The following LRRIQ3 variants were observed in gnomAD, a reference collection of about 807,000 sequenced individuals.
The protein encoded by LRRIQ3 is leucine-rich repeat and IQ domain-containing protein 3.
A neutral mutation model predicts 59.3 loss-of-function variants in LRRIQ3; 75 were observed. The observed-to-expected ratio is 1.26, with a 90% CI of 1.05 to 1.53. LRRIQ3 has a LOEUF of 1.53. Among genes scored for constraint, LRRIQ3 ranks in the 40% most tolerant of loss-of-function variants. The pLI is 0.00. For missense variants in LRRIQ3, 831 were observed against 710.0 expected, an observed-to-expected ratio of 1.17 and a Z score of -1.94; for synonymous variants, 250 against 231.3, an observed-to-expected ratio of 1.08 and a Z score of -0.73.
chr1:74,142,748 A>T (rs1647316571), intron 4 of LRRIQ3, among the ~76,000 whole-genome samples: 1 of 152,012 alleles, frequency 6.6e-6, no homozygotes, highest in Admixed American at 6.6e-5. Context: ...TACATCTTGA[A>T]TCATTAGGGC....
chr1:74,094,478 A>C (rs1231637834), intron 5 of LRRIQ3, among the ~76,000 whole-genome samples: 1 of 152,094 alleles, frequency 6.6e-6, no homozygotes, highest in Non-Finnish European at 1.5e-5. Context: ...GAATATAGGC[A>C]GCTTCCAGAA....
rs117562770 is a variant in LRRIQ3, at chr1:74,182,205, C to T, written c.573+333G>A. 1.9e-4 allele frequency: 30 copies of T among 155,434 alleles called. No individual in the cohort carries two copies. The East Asian group carries it at 5.3e-3, about 28-fold the overall frequency. The allele number at this position is 155,434 out of a possible 1,614,324, so 9.6% of individuals were successfully genotyped here. A position where few individuals can be genotyped will look rare whatever the true frequency, so the allele number is the denominator to read the frequency against. On this transcript the variant is annotated intron_variant, in intron 3 of 7. Coordinates refer to ENST00000354431, the MANE Select transcript of LRRIQ3 (RefSeq NM_001105659.2). ...ATCTTCTAATAATAATCTAAGTCAT[C>T]CTTTAACGCTCTTAAAAAACATTAA...
intron 3 of LRRIQ3, among the ~76,000 whole-genome samples, chr1:74,170,893 G>A (rs1649283372): frequency 6.6e-6 from 1 of 151,954 alleles, no homozygotes; most frequent in East Asian, 1.9e-4. Flanking sequence ...CACCTCCTTG[G>A]ATAGGTTTAT....
At chr1:74,062,249 G>T (rs1404573710) in intron 6 of LRRIQ3, among the ~76,000 whole-genome samples, 1 of 151,998 alleles carries the variant, frequency 6.6e-6, no homozygotes, top group African/African-American at 2.4e-5. Flanking sequence ...CAAAAGACAT[G>T]AAAAGACACT....
At chr1:74,190,882 G>A (rs1650721839) in intron 1 of LRRIQ3, among the ~76,000 whole-genome samples, 1 of 151,996 alleles carries the variant, frequency 6.6e-6, no homozygotes, top group Non-Finnish European at 1.5e-5. Flanking sequence ...GAAGTGTTAA[G>A]AGAAAAAAAA....
In LRRIQ3 at chr1:74,041,648, G is replaced by A; in HGVS notation, c.1283C>T (p.Thr428Ile). The A allele has an allele frequency of 6.2e-7, 1 of 1,613,550 alleles. No homozygotes were observed. The highest frequency in any genetic ancestry group is 8.5e-7 in the Non-Finnish European group (1 of 1,179,820). The stretch of plus-strand genomic sequence containing the variant: ...ATGGTATTCCTGCTTCTTTTGTTCT[G>A]TGTAATATTTGTCAATATCACTAAA... ...RTFSDIDKYY[T>I]EQKKQEYHKE... Residue 428 changes from threonine to isoleucine, a missense_variant, in exon 7 of 8, where the codon ACA becomes ATA. Physicochemically the swap from Thr to Ile is moderately conservative, Grantham distance 89. Coordinates refer to ENST00000354431, the MANE Select transcript of LRRIQ3 (RefSeq NM_001105659.2).
chr1:74,046,702 G>T (rs1486959802), intron 6 of LRRIQ3, among the ~76,000 whole-genome samples: 1 of 152,152 alleles, frequency 6.6e-6, no homozygotes, highest in Non-Finnish European at 1.5e-5. Flanking sequence ...CTGTCCATCT[G>T]ATGTAGGCCT....
At chr1:74,038,693 G>A (rs1201087265) in intron 7 of LRRIQ3, among the ~76,000 whole-genome samples, 2 of 152,168 alleles carry the variant, frequency 1.3e-5, no homozygotes, top group Admixed American at 6.5e-5. Flanking sequence ...TGCTTGAAGC[G>A]AACCTCTGGC....
chr1:74,072,507 T>TA (rs1557602568), intron 6 of LRRIQ3, among the ~76,000 whole-genome samples: 2 of 151,626 alleles, frequency 1.3e-5, no homozygotes, highest in Non-Finnish European at 2.9e-5. Context: ...ATATATATAT[T>TA]TTTTAATTGA....
At chr1:74,051,622 C>A (rs1181175803) in intron 6 of LRRIQ3, among the ~76,000 whole-genome samples, 1 of 152,056 alleles carries the variant, frequency 6.6e-6, no homozygotes, top group African/African-American at 2.4e-5. Flanking sequence ...AACAGAAACC[C>A]CATACGCATT....
intron 1 of LRRIQ3, among the ~76,000 whole-genome samples, chr1:74,193,593 A>G (rs1021037936): frequency 8.5e-5 from 13 of 152,172 alleles, no homozygotes; most frequent in African/African-American, 2.7e-4. Context: ...AATGTGATAC[A>G]TAATAAATAT....
At chr1:74,182,176 T>C (rs1375712152) in intron 3 of LRRIQ3, 2 of 152,594 alleles carry the variant, frequency 1.3e-5, no homozygotes, top group Admixed American at 6.6e-5. Flanking sequence ...GAATTAAATA[T>C]TTTATCTTCT....
intron 6 of LRRIQ3, among the ~76,000 whole-genome samples, chr1:74,054,629 C>T (rs548684737): frequency 3.3e-5 from 5 of 151,380 alleles, no homozygotes; most frequent in Middle Eastern, 3.4e-3. Flanking sequence ...AGAGGTTCTG[C>T]GTATATTGAA....
chr1:74,162,682 T>C lies in LRRIQ3; in HGVS notation c.574-6816A>G, dbSNP rs184814226. On this transcript the variant is annotated intron_variant, in intron 3 of 7. Coordinates refer to ENST00000354431, the MANE Select transcript of LRRIQ3 (RefSeq NM_001105659.2). Reference sequence around the variant, plus strand: ...TTAATTTGACATTCTAAATGCATATTGTACTTATATAATTTTTATCTTCCC... The same window carrying C: ...TTAATTTGACATTCTAAATGCATATCGTACTTATATAATTTTTATCTTCCC... Among the ~76,000 whole-genome samples, 390 of 151,934 alleles carry C rather than the reference T, an allele frequency of 2.6e-3. 2 individuals carry two copies. The highest frequency in any genetic ancestry group is 8.7e-3 in the African/African-American group (361 of 41,532).
At position 74,182,806 on chromosome 1, in the gene LRRIQ3, A is replaced by G; in HGVS notation, c.305T>C (p.Leu102Pro). The G allele has an allele frequency of 6.2e-7, 1 of 1,603,530 alleles. No homozygotes were observed. ...FWNGLKNLKLLYLHDNGFAKL... is the reference protein window; with the variant it reads ...FWNGLKNLKLPYLHDNGFAKL... ...TGCAAACCCATTGTCATGAAGATAG[A>G]GTAGTTTTAGGTTCTTCAATCCATT... Residue 102 changes from leucine to proline, a missense_variant, in exon 3 of 8, where the codon CTC becomes CCC. Coordinates refer to ENST00000354431, the MANE Select transcript of LRRIQ3 (RefSeq NM_001105659.2).
intron 5 of LRRIQ3, among the ~76,000 whole-genome samples, chr1:74,091,097 C>A (rs567129820): frequency 2.8e-4 from 43 of 152,130 alleles, no homozygotes; most frequent in African/African-American, 1.0e-3. Flanking sequence ...TCAAGGAGAT[C>A]AGGAATCAAA....
intron 6 of LRRIQ3, among the ~76,000 whole-genome samples, chr1:74,066,088 A>T (rs1468525030): frequency 1.3e-5 from 2 of 151,526 alleles, no homozygotes; most frequent in African/African-American, 4.9e-5. Context: ...TGGTAGGCTG[A>T]GGCTGGAGAA....
At chr1:74,194,401 T>C (rs1411325524) in intron 1 of LRRIQ3, among the ~76,000 whole-genome samples, 1 of 152,182 alleles carries the variant, frequency 6.6e-6, no homozygotes, top group East Asian at 1.9e-4. Context: ...GCACAAAACA[T>C]TATATTTTCA....
chr1:74,037,662 A>G (rs1653912976), intron 7 of LRRIQ3, among the ~76,000 whole-genome samples: 1 of 152,042 alleles, frequency 6.6e-6, no homozygotes, highest in African/African-American at 2.4e-5. Flanking sequence ...CAAACAAACA[A>G]CAACAACAAC....
Sources: allele counts gnomAD v4.1 joint callset (sites outside exome capture counted in the v4.1 genomes callset), GRCh38; gene constraint gnomAD v4.1.1; transcripts MANE v1.5; gene names NCBI Gene and HGNC (gene_info 2026-07-23, HGNC 2026-07-21).